GLIS2: variants seen among roughly 807,000 people sequenced by gnomAD.
GLIS2 encodes the protein zinc finger protein GLIS2.
A neutral mutation model predicts 35.6 loss-of-function variants in GLIS2; 14 were observed. The observed-to-expected ratio is 0.39, with a 90% CI of 0.26 to 0.61. GLIS2 has a LOEUF of 0.61. Among genes scored for constraint, GLIS2 ranks in the 20% least tolerant of loss-of-function variants. The pLI, the probability that GLIS2 is intolerant of heterozygous loss-of-function variation, is 0.48. For missense variants in GLIS2, 675 were observed against 713.4 expected (o/e 0.95, Z 0.61); for synonymous variants, 368 against 325.1 (o/e 1.13, Z -1.42).
rs983486884 is a variant in GLIS2, at chr16:4,336,774, C to A, written c.825C>A (p.Ser275=). Reference sequence around the variant, plus strand: ...ACGAGGGCTGCAACAAGCGCTATTCCAACTCCAGTGACCGCTTTAAGCACA... The same window carrying A: ...ACGAGGGCTGCAACAAGCGCTATTCAAACTCCAGTGACCGCTTTAAGCACA... ...CPYEGCNKRY[S]NSSDRFKHTR... is the part of the protein sequence containing the mutation. The change falls in exon 7 of 7, where the codon TCC becomes TCA. Residue 275 remains serine (S), a synonymous_variant. Coordinates refer to ENST00000433375, the MANE Select transcript of GLIS2 (RefSeq NM_032575.3). The A allele has an allele frequency of 1.9e-6, 3 of 1,611,720 alleles. No homozygotes were observed. The African/African-American group carries it at 4.0e-5, about 22-fold the overall frequency.
At chr16:4,321,436 A>C (rs915108049) in intron 1 of GLIS2, among the ~76,000 whole-genome samples, 2 of 152,224 alleles carry the variant, frequency 1.3e-5, no homozygotes, top group African/African-American at 4.8e-5. Flanking sequence ...ATGTCTGTCG[A>C]GTGAATGAAT....
upstream of GLIS2, chr16:4,315,132 G>C (rs1439577168): frequency 2.0e-5 from 3 of 152,218 alleles, no homozygotes; most frequent in African/African-American, 7.2e-5. Context: ...GCTAGTGGAC[G>C]CAGGTGGTCC....
chr16:4,323,121 C>A (rs2053395253), intron 1 of GLIS2, among the ~76,000 whole-genome samples: 1 of 152,232 alleles, frequency 6.6e-6, no homozygotes, highest in Non-Finnish European at 1.5e-5. Flanking sequence ...CTGGCCCATC[C>A]CTTTGCTGGC....
At chr16:4,327,184 G>GA (rs1567219826) in intron 1 of GLIS2, among the ~76,000 whole-genome samples, 14 of 152,194 alleles carry the variant, frequency 9.2e-5, no homozygotes, top group Non-Finnish European at 4.4e-5. Flanking sequence ...GTCAGCCACC[G>GA]CGCCTGGCCT....
chr16:4,336,504 G>A (rs2053552679), intron 6 of GLIS2: 10 of 647,736 alleles, frequency 1.5e-5, no homozygotes, highest in Admixed American at 4.4e-5. Context: ...GGTGCAGGGC[G>A]AGGCTAGGCA....
chr16:4,337,301 T>C lies in GLIS2; in HGVS notation c.1352T>C (p.Val451Ala), dbSNP rs1187196000. 6.4e-7 allele frequency: 1 copy of C among 1,561,524 alleles called. No homozygotes were observed. The highest frequency in any genetic ancestry group is 1.4e-5 in the African/African-American group (1 of 73,720). Residue 451 changes from valine (V) to alanine (A), a missense_variant, in exon 7 of 7, where the codon GTG (valine) becomes GCG (alanine). Transcript: ENST00000433375. The stretch of plus-strand genomic sequence containing the variant: ...GAGGGGGAGAAGGGGCGTGGGTCGG[T>C]GCCCACCAGGGCCCTGGGCATGGAG... ...KAEGEKGRGS[V>A]PTRALGMEGH... is the part of the protein sequence containing the mutation.
chr16:4,327,571 G>A (rs1248399096), intron 1 of GLIS2, among the ~76,000 whole-genome samples: 2 of 152,148 alleles, frequency 1.3e-5, no homozygotes, highest in Admixed American at 6.5e-5. Flanking sequence ...CGGGCGGGGG[G>A]CCGGGTGGCT....
At chr16:4,315,983 C>T (rs2053305868), upstream of GLIS2, among the ~76,000 whole-genome samples, 3 of 147,520 alleles carry the variant, frequency 2.0e-5, no homozygotes, top group African/African-American at 4.9e-5. Flanking sequence ...CCGGCGGGCC[C>T]TCCTCCCGCC....
intron 6 of GLIS2, chr16:4,336,328 G>C (rs2053550773): frequency 2.7e-6 from 1 of 375,536 alleles, no homozygotes; most frequent in Non-Finnish European, 5.1e-6. Context: ...CGTAGTTTTA[G>C]TAGAGACGGG....
At chr16:4,326,946 A>G (rs2053437546) in intron 1 of GLIS2, among the ~76,000 whole-genome samples, 1 of 151,994 alleles carries the variant, frequency 6.6e-6, no homozygotes, top group Non-Finnish European at 1.5e-5. Flanking sequence ...TTTTTAGTAG[A>G]GAGAGCGTTT....
intron 6 of GLIS2, 159 bp from the exon 7 acceptor site, chr16:4,336,566 C>A (rs973411775): frequency 4.0e-6 from 3 of 757,910 alleles, no homozygotes; most frequent in Non-Finnish European, 4.6e-6. Flanking sequence ...TGCCTGGGGG[C>A]AGATCTCATG....
At chr16:4,333,133 C>T (rs1476590362) in intron 2 of GLIS2, among the ~76,000 whole-genome samples, 1 of 152,214 alleles carries the variant, frequency 6.6e-6, no homozygotes, top group Non-Finnish European at 1.5e-5. Flanking sequence ...CCCTCCCCGG[C>T]TCACGGGGGC....
chr16:4,337,296 G>A lies in GLIS2; in HGVS notation c.1347G>A (p.Gly449=). The A allele has an allele frequency of 6.4e-7, 1 of 1,557,688 alleles. No homozygotes were observed. The highest frequency in any genetic ancestry group is 8.7e-7 in the Non-Finnish European group (1 of 1,152,626). Residue 449 remains glycine, a synonymous_variant, in exon 7 of 7, where the codon GGG becomes GGA. Coordinates refer to ENST00000433375, the MANE Select transcript of GLIS2 (RefSeq NM_032575.3). ...AGGCCGAGGGGGAGAAGGGGCGTGGGTCGGTGCCCACCAGGGCCCTGGGCA... is the reference window on the plus strand; with the variant it reads ...AGGCCGAGGGGGAGAAGGGGCGTGGATCGGTGCCCACCAGGGCCCTGGGCA... ...GGKAEGEKGR[G]SVPTRALGME...
chr16:4,327,507 C>T (rs1249543155), intron 1 of GLIS2, among the ~76,000 whole-genome samples: 1 of 152,228 alleles, frequency 6.6e-6, no homozygotes, highest in Non-Finnish European at 1.5e-5. Context: ...GGGACAGTGG[C>T]CGGCCCCGCC....
chr16:4,320,240 C>T lies in GLIS2; in HGVS notation c.-67+3986C>T, dbSNP rs534835834. On this transcript the variant is annotated intron_variant, in intron 1 of 6. Transcript: ENST00000433375. This position sits in a 1 kb window ranked among gnomAD's most constrained non-coding sequence, Gnocchi z 5.6. ...CCCTTCCTCCAGTCATGGCCAAGGG[C>T]GGGTGGGAAGCCAGCAGAGGCCCCA... Among the ~76,000 whole-genome samples, 218 of 152,160 alleles carry T rather than the reference C, an allele frequency of 1.4e-3. 2 individuals carry two copies. Among genetic ancestry groups the T allele is most frequent in the African/African-American group, 4.5e-3 (188 of 41,496 alleles).
intron 2 of GLIS2, 122 bp from the exon 3 acceptor site, chr16:4,333,225 G>T: frequency 9.5e-7 from 1 of 1,057,568 alleles, no homozygotes; most frequent in Non-Finnish European, 1.4e-6. Context: ...CCTCACATTC[G>T]TGTGGTCTGG....
rs1244457195 is a variant in GLIS2 at position 4,337,557 on chromosome 16, G to T, written c.*33G>T. 71 of 1,539,880 alleles carry T rather than the reference G, an allele frequency of 4.6e-5. No homozygotes were observed. The highest frequency in any genetic ancestry group is 3.5e-4 in the Middle Eastern group (2 of 5,768). On this transcript the variant is annotated 3_prime_UTR_variant, in exon 7 of 7. Coordinates refer to ENST00000433375, the MANE Select transcript of GLIS2 (RefSeq NM_032575.3). ...CTGCGGACAGTTGTGGTGCCCCCCC[G>T]GCAGCTCCCGGCACTGCCCCCGACG...
At chr16:4,327,469 C>A (rs930524939) in intron 1 of GLIS2, among the ~76,000 whole-genome samples, 1 of 152,208 alleles carries the variant, frequency 6.6e-6, no homozygotes, top group Non-Finnish European at 1.5e-5. Context: ...TGTGCTGGGT[C>A]GCCCCGTGCC....
chr16:4,322,447 C>T (rs1479388496), intron 1 of GLIS2, among the ~76,000 whole-genome samples: 1 of 152,164 alleles, frequency 6.6e-6, no homozygotes, highest in African/African-American at 2.4e-5. Context: ...GGCAGGTTTC[C>T]CCACATGGAA....
Sources: gnomAD v4.1 joint callset for allele counts (sites outside exome capture counted in the v4.1 genomes callset) on GRCh38, gnomAD v4.1.1 for gene constraint, Gnocchi (gnomAD v3.1) non-coding constraint, MANE v1.5 for transcripts, NCBI Gene and HGNC (gene_info 2026-07-23, HGNC 2026-07-21) for gene names.